The following SRSF1 variants were observed in gnomAD, a reference collection of about 807,000 sequenced individuals.
SRSF1 encodes serine/arginine-rich splicing factor 1.
In SRSF1, 1 loss-of-function variant was observed where a neutral mutation model predicts 25.9. That is an observed-to-expected ratio of 0.04 (90% CI 0.01 to 0.18). The LOEUF is 0.18. SRSF1 is among the 10% of genes least tolerant of loss of function. The pLI is 1.00. For synonymous variants in SRSF1, 132 were observed against 126.2 expected (o/e 1.05, Z -0.31); for missense variants, 65 against 350.5 (o/e 0.19, Z 6.50).
chr17:57,989,972 T>C, the SRSF1 span: 1 of 382,676 alleles, frequency 2.6e-6, no homozygotes, highest in Admixed American at 4.5e-5. Flanking sequence ...TTATTTTCAT[T>C]CAGTGGATAG....
downstream of SRSF1, among the ~76,000 whole-genome samples, chr17:57,999,709 A>T (rs1375443520): frequency 6.6e-6 from 1 of 152,196 alleles, no homozygotes; most frequent in East Asian, 1.9e-4. Context: ...TTTCCCTAGC[A>T]CTTACCAATG....
rs1381536463 is a variant in SRSF1 at position 58,006,849 on chromosome 17, G to A, written c.194+95C>T. 2.4e-5 allele frequency: 34 copies of A among 1,437,624 alleles called. No homozygotes were observed. The South Asian group carries it at 3.5e-4, about 15-fold the overall frequency. The allele number at this position is 1,437,624 out of a possible 1,614,324, so 89.1% of individuals were successfully genotyped here. ...CAGTCTCGCCCCAACCTCTCTAAGAGCCCCCGCTTCCCCGTTCTCTATGTT... is the reference window on the plus strand; with the variant it reads ...CAGTCTCGCCCCAACCTCTCTAAGAACCCCCGCTTCCCCGTTCTCTATGTT... On this transcript the variant is annotated intron_variant, in intron 1 of 3. Transcript: ENST00000258962.
At chr17:57,990,459 A>C in the SRSF1 span, 1 of 152,230 alleles carries the variant, frequency 6.6e-6, no homozygotes, top group East Asian at 1.9e-4. Context: ...CCAGAAGGAA[A>C]ATACTCAGAA....
downstream of SRSF1, among the ~76,000 whole-genome samples, chr17:57,996,431 C>A (rs1389320398): frequency 2.1e-5 from 3 of 142,898 alleles, no homozygotes; most frequent in Non-Finnish European, 3.0e-5. Context: ...TTGCAGTGAG[C>A]CGAGACTGCG....
chr17:58,006,899 A>C (rs1429269728), intron 1 of SRSF1, 45 bp downstream of exon 1: 11 of 1,605,220 alleles, frequency 6.9e-6, no homozygotes, highest in Non-Finnish European at 9.4e-6. Context: ...TTCCCCAACT[A>C]CTCGGACCTA....
Position 58,005,224 on chromosome 17 carries a change from T to C in SRSF1, c.*182A>G, listed in dbSNP as rs2075418816. On this transcript the variant is annotated 3_prime_UTR_variant, in exon 4 of 4. Transcript: ENST00000258962. This position sits in a 1 kb window ranked among gnomAD's most constrained non-coding sequence, Gnocchi z 5.2. ...ATCCTGTCTATGACATCACTTAAAATACAATTTATCAAAGACACGAAGGGA... is the reference window on the plus strand; with the variant it reads ...ATCCTGTCTATGACATCACTTAAAACACAATTTATCAAAGACACGAAGGGA... 3.1e-6 allele frequency: 2 copies of C among 647,704 alleles called. No individual in the cohort carries two copies. The highest frequency in any genetic ancestry group is 5.3e-6 in the Non-Finnish European group (2 of 379,720). 40.1% of individuals were successfully genotyped at this position (647,704 alleles called of 1,614,324 possible).
intron 1 of SRSF1, 57 bp downstream of exon 1, chr17:58,006,887 C>T (rs2075433846): frequency 5.7e-6 from 9 of 1,590,102 alleles, no homozygotes; most frequent in Admixed American, 1.7e-5. Context: ...GGCCTTGGAG[C>T]CTTCCCCAAC....
Position 58,001,689 on chromosome 17 carries a change from G to GT in SRSF1, c.*3716dup, listed in dbSNP as rs1359483633. Among the ~76,000 whole-genome samples the GT allele has an allele frequency of 2.0e-5, 3 of 152,310 alleles. No homozygotes were observed. Among genetic ancestry groups the GT allele is most frequent in the Non-Finnish European group, 2.9e-5 (2 of 68,026 alleles). On this transcript the variant is annotated 3_prime_UTR_variant, in exon 4 of 4. Coordinates refer to ENST00000258962, the MANE Select transcript of SRSF1 (RefSeq NM_006924.5). ...ACAGCTTTTGTAGTTTCAAAAGGGT[G>GT]TAACTTTCTTCTAATAATTGCCAAT...
At chr17:57,999,440 G>C (rs1297228839), downstream of SRSF1, among the ~76,000 whole-genome samples, 1 of 152,132 alleles carries the variant, frequency 6.6e-6, no homozygotes, top group Admixed American at 6.5e-5. Context: ...CCAGAACCTA[G>C]ATTTGTTACA....
intron 1 of SRSF1, 50 bp downstream of exon 1, chr17:58,006,894 C>A: frequency 6.2e-7 from 1 of 1,600,202 alleles, no homozygotes; most frequent in Non-Finnish European, 8.5e-7. Context: ...GAGCCTTCCC[C>A]AACTACTCGG....
downstream of SRSF1, among the ~76,000 whole-genome samples, chr17:57,998,810 T>G (rs1051816104): frequency 1.3e-5 from 2 of 152,374 alleles, no homozygotes; most frequent in African/African-American, 4.8e-5. Context: ...CCACTTTTAG[T>G]GCTTTATTCT....
Position 58,004,143 on chromosome 17 carries a change from T to G in SRSF1, c.*1263A>C, listed in dbSNP as rs1375997938. The G allele has an allele frequency of 2.0e-5, 3 of 152,646 alleles. No individual in the cohort carries two copies. The highest frequency in any genetic ancestry group is 4.4e-5 in the Non-Finnish European group (3 of 68,030). 9.5% of individuals were successfully genotyped at this position (152,646 alleles called of 1,614,324 possible). ...AACTATCAAATTCCCCAAAACAAGT[T>G]TCTGAATGGTGTTCAGATAAATTTT... On this transcript the variant is annotated 3_prime_UTR_variant, in exon 4 of 4. Coordinates refer to ENST00000258962, the MANE Select transcript of SRSF1 (RefSeq NM_006924.5).
chr17:58,006,461 C>T lies in SRSF1; in HGVS notation c.261G>A (p.Glu87=). The change falls in exon 2 of 4, where the codon GAG becomes GAA. Residue 87 remains glutamate, a synonymous_variant. Coordinates refer to ENST00000258962, the MANE Select transcript of SRSF1 (RefSeq NM_006924.5). The stretch of plus-strand genomic sequence containing the variant: ...CTGTTCCACGGCCGCTTCGAGGAAA[C>T]TCCACCCGCAGACGGTACCCATCGT... ...YDYDGYRLRV[E]FPRSGRGTGR... is the part of the protein sequence containing the mutation. 1 of 1,610,034 alleles carries T rather than the reference C, an allele frequency of 6.2e-7. No individual in the cohort carries two copies. Among genetic ancestry groups the T allele is most frequent in the East Asian group, 2.2e-5 (1 of 44,740 alleles).
the SRSF1 span, among the ~76,000 whole-genome samples, chr17:57,995,447 TGA>T: frequency 2.6e-5 from 4 of 152,200 alleles, no homozygotes; most frequent in Admixed American, 6.5e-5. Flanking sequence ...AGGGCTTCTC[TGA>T]GAGAGCTGGC....
At position 58,003,174 on chromosome 17, in the gene SRSF1, G is replaced by A. The variant is rs2075404257; in HGVS notation, c.*2232C>T. Among the ~76,000 whole-genome samples the A allele has an allele frequency of 6.6e-6, 1 of 151,534 alleles. No homozygotes were observed. The highest frequency in any genetic ancestry group is 1.5e-5 in the Non-Finnish European group (1 of 67,778). Reference sequence around the variant, plus strand: ...AAGCCTATGTTGTCTATGACCACCAGAAAATAAGCAGCATCTATAGTTTTT... The same window carrying A: ...AAGCCTATGTTGTCTATGACCACCAAAAAATAAGCAGCATCTATAGTTTTT... On this transcript the variant is annotated 3_prime_UTR_variant, in exon 4 of 4. Coordinates refer to ENST00000258962, the MANE Select transcript of SRSF1 (RefSeq NM_006924.5).
At chr17:57,996,157 C>T (rs2075363648), downstream of SRSF1, among the ~76,000 whole-genome samples, 1 of 152,050 alleles carries the variant, frequency 6.6e-6, no homozygotes, top group Non-Finnish European at 1.5e-5. Flanking sequence ...GCATTCTGGA[C>T]ATCTTAGAAG....
rs374319754 is a variant in SRSF1 at position 58,007,202 on chromosome 17, G to C, written c.-65C>G. On this transcript the variant is annotated 5_prime_UTR_variant, in exon 1 of 4. Transcript: ENST00000258962. ...CACCAAGCCTAGCGCACGGCAGAGC[G>C]AGCCCGCAGCGGCACCACGTCTCCC... is the stretch of plus-strand genomic sequence containing the variant. The C allele has an allele frequency of 1.1e-5, 18 of 1,581,084 alleles. No homozygotes were observed. Among genetic ancestry groups the C allele is most frequent in the African/African-American group, 1.3e-5 (1 of 74,392 alleles).
rs1472809712 is a variant in SRSF1, at chr17:58,002,687, TC to T, written c.*2718del. ...AGAAGCAGTTAATCTTGTGCACTCT[TC>T]CCTTTCAAAAAAGAAATGAGACTTG... On this transcript the variant is annotated 3_prime_UTR_variant, in exon 4 of 4. Transcript: ENST00000258962. Among the ~76,000 whole-genome samples, 1 of 152,138 alleles carries T rather than the reference TC, an allele frequency of 6.6e-6. No homozygotes were observed. The highest frequency in any genetic ancestry group is 1.5e-5 in the Non-Finnish European group (1 of 68,042).
In SRSF1 at chr17:58,006,840, T is replaced by A. The variant is rs577046474; in HGVS notation, c.194+104A>T. The A allele has an allele frequency of 3.6e-6, 5 of 1,382,596 alleles. No individual in the cohort carries two copies. In the South Asian group the frequency reaches 6.5e-5, roughly 18 times the overall value. 85.6% of individuals were successfully genotyped at this position (1,382,596 alleles called of 1,614,324 possible). ...TGGGCGATACAGTCTCGCCCCAACC[T>A]CTCTAAGAGCCCCCGCTTCCCCGTT... is the stretch of plus-strand genomic sequence containing the variant. On this transcript the variant is annotated intron_variant, in intron 1 of 3. Transcript: ENST00000258962.
Sources: gnomAD v4.1 joint callset for allele counts (sites outside exome capture counted in the v4.1 genomes callset) on GRCh38, gnomAD v4.1.1 for gene constraint, Gnocchi (gnomAD v3.1) non-coding constraint, MANE v1.5 for transcripts, NCBI Gene and HGNC (gene_info 2026-07-23, HGNC 2026-07-21) for gene names.